Variants in ZNF480 observed in about 807,000 individuals in gnomAD.
ZNF480 encodes the protein zinc finger protein 480.
Under a neutral mutation model 14.4 loss-of-function variants are expected in ZNF480, and 15 were observed. That is an observed-to-expected ratio of 1.04 (90% CI 0.70 to 1.60). The LOEUF (loss-of-function observed/expected upper bound fraction) is 1.60. Among genes scored for constraint, ZNF480 ranks in the 40% most tolerant of loss-of-function variants. ZNF480 has a pLI of 0.00. For synonymous variants in ZNF480, 218 were observed against 215.5 expected, an observed-to-expected ratio of 1.01 and a Z score of -0.10; for missense variants, 593 against 629.7, an observed-to-expected ratio of 0.94 and a Z score of 0.62.
intron 4 of ZNF480, among the ~76,000 whole-genome samples, chr19:52,319,941 C>T (rs991620500): frequency 1.3e-5 from 2 of 151,780 alleles, no homozygotes; most frequent in African/African-American, 4.8e-5. Flanking sequence ...CCACAGCCTC[C>T]TGAGTAGCTG....
intron 2 of ZNF480, among the ~76,000 whole-genome samples, chr19:52,302,770 C>T (rs991477160): frequency 3.3e-5 from 5 of 152,300 alleles, no homozygotes; most frequent in East Asian, 3.9e-4. Context: ...TGGCAAGTTG[C>T]GCATTGCTGG....
intron 2 of ZNF480, among the ~76,000 whole-genome samples, chr19:52,304,180 G>C (rs1353908022): frequency 6.6e-6 from 1 of 152,218 alleles, no homozygotes; most frequent in African/African-American, 2.4e-5. Flanking sequence ...GCAGGCTGCA[G>C]GTTGTTTACC....
chr19:52,298,929 G>A (rs1378661815), intron 1 of ZNF480, among the ~76,000 whole-genome samples: 1 of 152,178 alleles, frequency 6.6e-6, no homozygotes, highest in Non-Finnish European at 1.5e-5. Flanking sequence ...GGGTGCAGAT[G>A]AACGGTGAGT....
intron 2 of ZNF480, chr19:52,308,723 C>T (rs1023023286): frequency 2.0e-5 from 3 of 151,996 alleles, no homozygotes; most frequent in South Asian, 2.1e-4. Flanking sequence ...TCACAGAGAC[C>T]GATTTTCCTT....
intron 2 of ZNF480, among the ~76,000 whole-genome samples, chr19:52,312,225 A>G (rs7258711): frequency 0.56 from 85,283 of 151,220 alleles, 24,506 homozygotes; most frequent in Non-Finnish European, 0.62. Context: ...GCTCACTGCA[A>G]TCTCGGCTCA....
In ZNF480 at chr19:52,320,843, G is replaced by T. The variant is rs117477876; in HGVS notation, c.329-736G>T. 5.3e-5 allele frequency among the ~76,000 whole-genome samples: 8 copies of T among 152,180 alleles called. No individual in the cohort carries two copies. The East Asian group carries it at 1.5e-3, about 29-fold the overall frequency. ...AACCCCAAAACTTGCTGAATGTGGT[G>T]GTGCATGCCTGTAGACCCAGCTACT... On this transcript the variant is annotated intron_variant, in intron 4 of 4. Transcript: ENST00000595962.
intron 2 of ZNF480, among the ~76,000 whole-genome samples, chr19:52,302,418 T>C (rs1285977689): frequency 1.3e-5 from 2 of 152,224 alleles, no homozygotes; most frequent in Non-Finnish European, 2.9e-5. Context: ...CACAATGGCT[T>C]GTCCTTGTGA....
rs1036650899 is a variant in ZNF480 at position 52,300,434 on chromosome 19, C to T, written c.22C>T (p.Gln8Ter). 2.5e-6 allele frequency: 4 copies of T among 1,613,080 alleles called. No individual in the cohort carries two copies. Among genetic ancestry groups the T allele is most frequent in the Admixed American group, 1.7e-5 (1 of 59,910 alleles). ...AGTCATGCTGTGTGATGAAAAAGCC[C>T]AGAAGAGAAGGAAGAGGAAAGCAAA... MLCDEKA[Q>*]KRRKRKAKES... Residue 8 changes from glutamine (Q) to a stop codon, truncating the protein, a stop_gained, in exon 2 of 5, where the codon CAG (glutamine) becomes TAG (stop). Coordinates refer to ENST00000595962, the MANE Select transcript of ZNF480 (RefSeq NM_144684.4). LOFTEE classifies it high-confidence loss of function.
intron 4 of ZNF480, among the ~76,000 whole-genome samples, chr19:52,321,349 A>G (rs1983799625): frequency 1.3e-5 from 2 of 152,054 alleles, no homozygotes; most frequent in South Asian, 4.1e-4. Context: ...CTCTCTACTC[A>G]TAATCCCTCT....
chr19:52,313,928 G>A (rs1281093610), intron 2 of ZNF480: 13 of 391,520 alleles, frequency 3.3e-5, no homozygotes, highest in Middle Eastern at 9.0e-4. Flanking sequence ...GCAGTGAGCC[G>A]AGATTGCACC....
chr19:52,316,107 T>A, intron 4 of ZNF480, 145 bp downstream of exon 4: 1 of 781,272 alleles, frequency 1.3e-6, no homozygotes, highest in Non-Finnish European at 1.8e-6. Context: ...AAACAGAGCC[T>A]GAGAGACAGA....
intron 1 of ZNF480, among the ~76,000 whole-genome samples, chr19:52,298,399 A>C (rs1982518384): frequency 6.6e-6 from 1 of 152,144 alleles, no homozygotes. Flanking sequence ...TTGGGAGGCC[A>C]AGGTGGGTGG....
At chr19:52,318,144 G>A (rs1043932922) in intron 4 of ZNF480, among the ~76,000 whole-genome samples, 68 of 151,890 alleles carry the variant, frequency 4.5e-4, no homozygotes, top group African/African-American at 1.6e-3. Flanking sequence ...GTCTTGCTCT[G>A]TCACCCAGGC....
intron 1 of ZNF480, among the ~76,000 whole-genome samples, chr19:52,298,229 A>C (rs1327419747): frequency 6.6e-6 from 1 of 151,778 alleles, no homozygotes; most frequent in African/African-American, 2.4e-5. Context: ...GCAGAGGGAG[A>C]ACCACAGCAG....
At chr19:52,312,830 T>G (rs1411769090) in intron 2 of ZNF480, among the ~76,000 whole-genome samples, 1 of 151,802 alleles carries the variant, frequency 6.6e-6, no homozygotes, top group African/African-American at 2.4e-5. Context: ...TATAATTCTT[T>G]TTTTTTTTGA....
intron 2 of ZNF480, chr19:52,301,388 C>G (rs960722997): frequency 1.3e-5 from 2 of 152,166 alleles, no homozygotes; most frequent in Non-Finnish European, 2.9e-5. Context: ...TTTGTAATAT[C>G]TAAAGATAAA....
chr19:52,315,981 A>G lies in ZNF480; in HGVS notation c.328+19A>G. ...AACACAGGTAAGAGCTCAGATGGGC[A>G]TGGTGGAAGCCATGCTGTTGTTTGG... On this transcript the variant is annotated intron_variant, in intron 4 of 4. Coordinates refer to ENST00000595962, the MANE Select transcript of ZNF480 (RefSeq NM_144684.4). 2 of 1,580,164 alleles carry G rather than the reference A, an allele frequency of 1.3e-6. 1 individual carries two copies. The highest frequency in any genetic ancestry group is 2.3e-5 in the South Asian group (2 of 85,478).
In ZNF480 at chr19:52,321,911, C is replaced by T; in HGVS notation, c.661C>T (p.His221Tyr). The change falls in exon 5 of 5, where the codon CAT becomes TAT. Residue 221 changes from histidine to tyrosine, a missense_variant. His to Tyr is a moderately conservative substitution (Grantham distance 83, BLOSUM62 2). Coordinates refer to ENST00000595962, the MANE Select transcript of ZNF480 (RefSeq NM_144684.4). The stretch of plus-strand genomic sequence containing the variant: ...TAGAGTATCTTCCAGCCTTACTAAA[C>T]ATCAAGTAATCCATACTGTAGAGAA... ...VFRVSSSLTK[H>Y]QVIHTVEKPY... is the part of the protein sequence containing the mutation. 1 of 1,614,130 alleles carries T rather than the reference C, an allele frequency of 6.2e-7. No individual in the cohort carries two copies. The highest frequency in any genetic ancestry group is 8.5e-7 in the Non-Finnish European group (1 of 1,180,022).
At chr19:52,298,642 A>C (rs549621005) in intron 1 of ZNF480, among the ~76,000 whole-genome samples, 1 of 152,184 alleles carries the variant, frequency 6.6e-6, no homozygotes, top group East Asian at 1.9e-4. Context: ...AGGGAAAAAA[A>C]AAAAAAAGAG....
Sources: allele counts gnomAD v4.1 joint callset (sites outside exome capture counted in the v4.1 genomes callset), GRCh38; gene constraint gnomAD v4.1.1; transcripts MANE v1.5; gene names NCBI Gene and HGNC (gene_info 2026-07-23, HGNC 2026-07-21).